Variants in NAV3 observed in about 807,000 individuals in gnomAD.
NAV3 encodes neuron navigator 3, also known as pore membrane and/or filament interacting like protein 1.
A neutral mutation model predicts 244.7 loss-of-function variants in NAV3; 87 were observed. The observed-to-expected ratio is 0.36, with a 90% CI of 0.30 to 0.42. NAV3 has a LOEUF of 0.42. Ranked by LOEUF, NAV3 falls within the 20% of genes least tolerant of loss-of-function variation. NAV3 has a pLI of 1.00. For missense variants in NAV3, 2,663 were observed against 2,893.3 expected (o/e 0.92, Z 1.83); for synonymous variants, 1,126 against 1,042.2 (o/e 1.08, Z -1.55).
intron 22 of NAV3, among the ~76,000 whole-genome samples, chr12:78,157,797 G>A (rs1358859176): frequency 6.6e-6 from 1 of 151,780 alleles, no homozygotes; most frequent in Non-Finnish European, 1.5e-5. Context: ...GAGAGAGAGA[G>A]AGAGAAGAGG....
At chr12:77,887,302 A>C (rs1883408099) in intron 1 of NAV3, among the ~76,000 whole-genome samples, 1 of 152,160 alleles carries the variant, frequency 6.6e-6, no homozygotes, top group Non-Finnish European at 1.5e-5. Context: ...CAATTTCTAC[A>C]CAACTATATA....
At chr12:77,572,849 G>A (rs1398014893) in intron 2 of NAV3, among the ~76,000 whole-genome samples, 1 of 152,330 alleles carries the variant, frequency 6.6e-6, no homozygotes, top group Non-Finnish European at 1.5e-5. Context: ...AGCGTTTAGC[G>A]AGCTTTTTAG....
At chr12:77,679,339 A>T (rs1046122458) in intron 2 of NAV3, among the ~76,000 whole-genome samples, 8 of 152,178 alleles carry the variant, frequency 5.3e-5, no homozygotes, top group Non-Finnish European at 1.2e-4. Flanking sequence ...TGCTGACTGG[A>T]TGGAGGGAGA....
At chr12:77,900,719 G>T (rs971406860) in intron 1 of NAV3, among the ~76,000 whole-genome samples, 3 of 152,054 alleles carry the variant, frequency 2.0e-5, no homozygotes, top group African/African-American at 7.2e-5. Flanking sequence ...TGTTCCTTTG[G>T]TTATATAACC....
chr12:78,137,382 A>T lies in NAV3; in HGVS notation c.4630+17A>T, dbSNP rs1386156082. On this transcript the variant is annotated intron_variant, in intron 19 of 39. Coordinates refer to ENST00000397909, the MANE Select transcript of NAV3 (RefSeq NM_001024383.2). ...TGGAAGAAGGTAAGCGTTGAGGGGG[A>T]TTAAAGATGAAGTCACTTTATTTAA... 1 of 1,583,246 alleles carries T rather than the reference A, an allele frequency of 6.3e-7. No homozygotes were observed. The highest frequency in any genetic ancestry group is 1.8e-5 in the Admixed American group (1 of 55,844).
At chr12:77,745,816 G>A (rs1330140042) in intron 2 of NAV3, among the ~76,000 whole-genome samples, 1 of 151,912 alleles carries the variant, frequency 6.6e-6, no homozygotes, top group Non-Finnish European at 1.5e-5. Flanking sequence ...GTCCTTGACA[G>A]AGAGGGACAA....
At chr12:78,033,793 C>T (rs777778226) in intron 9 of NAV3, among the ~76,000 whole-genome samples, 127 of 152,314 alleles carry the variant, frequency 8.3e-4, no homozygotes, top group Non-Finnish European at 1.5e-3. Context: ...GATTAAATTT[C>T]CTGTCTCATT....
intron 2 of NAV3, among the ~76,000 whole-genome samples, chr12:77,634,882 T>A (rs1295468619): frequency 6.6e-6 from 1 of 152,084 alleles, no homozygotes; most frequent in African/African-American, 2.4e-5. Flanking sequence ...ATAGTGAGCT[T>A]CATATTGTAA....
Position 78,190,237 on chromosome 12 carries a change from A to G in NAV3, c.6291+18A>G. The G allele has an allele frequency of 1.3e-6, 2 of 1,583,722 alleles. No individual in the cohort carries two copies. Among genetic ancestry groups the G allele is most frequent in the Non-Finnish European group, 8.7e-7 (1 of 1,155,468 alleles). ...CAAGTAAGGTATGTTACAGAATTCTAAGAGAACAGCTACAATTTATCCATA... is the reference window on the plus strand; with the variant it reads ...CAAGTAAGGTATGTTACAGAATTCTGAGAGAACAGCTACAATTTATCCATA... On this transcript the variant is annotated intron_variant, in intron 34 of 39. Transcript: ENST00000397909.
rs752791588 is a variant in NAV3, at chr12:77,615,019, TG to T, written c.72+42754del. Among the ~76,000 whole-genome samples, 6 of 152,176 alleles carry T rather than the reference TG, an allele frequency of 3.9e-5. No homozygotes were observed. In the South Asian group the frequency reaches 1.2e-3, roughly 32 times the overall value. ...GGTCAGCCAAAAGATAGCTAGGTGATGAAGTATGGCAAGGACATCACATGCA... is the reference window on the plus strand; with the variant it reads ...GGTCAGCCAAAAGATAGCTAGGTGATAAGTATGGCAAGGACATCACATGCA... On this transcript the variant is annotated intron_variant, in intron 2 of 8. Transcript: ENST00000550042.
intron 1 of NAV3, among the ~76,000 whole-genome samples, chr12:77,886,847 G>C (rs546431079): frequency 2.6e-5 from 4 of 151,974 alleles, no homozygotes; most frequent in Non-Finnish European, 5.9e-5. Flanking sequence ...TATACCCCTC[G>C]ATTTTAATCA....
chr12:78,171,448 G>A lies in NAV3; in HGVS notation c.4981+2582G>A, dbSNP rs190383679. Among the ~76,000 whole-genome samples the A allele has an allele frequency of 2.7e-3, 403 of 151,672 alleles. 2 individuals are homozygous for A. Among genetic ancestry groups the A allele is most frequent in the African/African-American group, 9.0e-3 (373 of 41,486 alleles). Reference sequence around the variant, plus strand: ...GGAATTCTTTTGCTCAGAAATGTGGGAGGGGTGGAGCTTAAGGTAAAAAAT... The same window carrying A: ...GGAATTCTTTTGCTCAGAAATGTGGAAGGGGTGGAGCTTAAGGTAAAAAAT... On this transcript the variant is annotated intron_variant, in intron 24 of 39. Transcript: ENST00000397909.
chr12:78,211,210 C>CA lies in NAV3; in HGVS notation c.*693_*694insA, dbSNP rs1231009618. The CA allele has an allele frequency of 2.0e-5, 3 of 152,662 alleles. No homozygotes were observed. Among genetic ancestry groups the CA allele is most frequent in the African/African-American group, 7.2e-5 (3 of 41,468 alleles). 9.5% of individuals were successfully genotyped at this position (152,662 alleles called of 1,614,324 possible). A position where few individuals can be genotyped will look rare whatever the true frequency, so the allele number is the denominator to read the frequency against. ...TTACCACAGTGGTCTTTTTAAACCACCTGCCCACTCCCTTAACAAGAGTTT... is the reference window on the plus strand; with the variant it reads ...TTACCACAGTGGTCTTTTTAAACCACACTGCCCACTCCCTTAACAAGAGTTT... On this transcript the variant is annotated 3_prime_UTR_variant, in exon 40 of 40. Coordinates refer to ENST00000397909, the MANE Select transcript of NAV3 (RefSeq NM_001024383.2).
intron 2 of NAV3, among the ~76,000 whole-genome samples, chr12:77,657,032 C>T (rs1432523086): frequency 6.6e-6 from 1 of 152,100 alleles, no homozygotes; most frequent in Admixed American, 6.6e-5. Context: ...GACACCCTAG[C>T]ATCACAATTA....
intron 2 of NAV3, among the ~76,000 whole-genome samples, chr12:77,594,153 A>T (rs1354822318): frequency 6.6e-6 from 1 of 152,194 alleles, no homozygotes; most frequent in Non-Finnish European, 1.5e-5. Flanking sequence ...GGAATTATGG[A>T]TATTATCTCA....
At chr12:78,166,165 T>A (rs1957773915) in intron 23 of NAV3, among the ~76,000 whole-genome samples, 1 of 151,866 alleles carries the variant, frequency 6.6e-6, no homozygotes, top group Admixed American at 6.6e-5. Flanking sequence ...CATTTTCACT[T>A]TTTTTCTGAC....
chr12:77,668,838 ACATAGT>A (rs1873836302), intron 2 of NAV3, among the ~76,000 whole-genome samples: 1 of 152,176 alleles, frequency 6.6e-6, no homozygotes, highest in Non-Finnish European at 1.5e-5. Flanking sequence ...TTGCCTACAC[ACATAGT>A]CATCAGGTTA....
chr12:78,204,886 G>T, intron 38 of NAV3, 49 bp from the exon 39 acceptor site: 1 of 1,552,772 alleles, frequency 6.4e-7, no homozygotes, highest in South Asian at 1.2e-5. Context: ...CTTTTTTGCT[G>T]AATAGAAATG....
chr12:78,103,570 T>C (rs1954646149), intron 12 of NAV3, among the ~76,000 whole-genome samples: 3 of 152,120 alleles, frequency 2.0e-5, no homozygotes, highest in African/African-American at 7.2e-5. Flanking sequence ...ACTTTGTTAG[T>C]CCGTTTTCAC....
Sources: gnomAD v4.1 joint callset for allele counts (sites outside exome capture counted in the v4.1 genomes callset) on GRCh38, gnomAD v4.1.1 for gene constraint, MANE v1.5 for transcripts, NCBI Gene and HGNC (gene_info 2026-07-23, HGNC 2026-07-21) for gene names.